DLGAP1: variants seen among roughly 807,000 people sequenced by gnomAD.
DLGAP1 encodes the protein DLG associated protein 1.
In DLGAP1, 11 loss-of-function variants were observed where a neutral mutation model predicts 90.8. The observed-to-expected ratio is 0.12, with a 90% CI of 0.08 to 0.20. The LOEUF (loss-of-function observed/expected upper bound fraction) is 0.20. Among genes scored for constraint, DLGAP1 ranks in the 10% least tolerant of loss-of-function variants. The pLI is 1.00. For missense variants in DLGAP1, 1,050 were observed against 1,333.8 expected (o/e 0.79, Z 3.31); for synonymous variants, 558 against 540.7 (o/e 1.03, Z -0.44).
In DLGAP1 at chr18:4,099,702, C is replaced by CTTT. The variant is rs59311920; in HGVS notation, c.-159+51475_-159+51477dup. Among the ~76,000 whole-genome samples the CTTT allele has an allele frequency of 3.0e-5, 4 of 133,854 alleles. 1 individual carries two copies. In the East Asian group the frequency reaches 6.6e-4, roughly 22 times the overall value. The allele number at this position is 133,854 out of a possible 152,430, so 87.8% of individuals were successfully genotyped here. A position where few individuals can be genotyped will look rare whatever the true frequency, so the allele number is the denominator to read the frequency against. On this transcript the variant is annotated intron_variant, in intron 2 of 12. Transcript: ENST00000315677. Reference sequence around the variant, plus strand: ...TGTGGCAATTTCTTTTCTTTTTTTACTTTTTTTTTTTTTTTTTTAGAGTTG... The same window carrying CTTT: ...TGTGGCAATTTCTTTTCTTTTTTTACTTTTTTTTTTTTTTTTTTTTTAGAGTTG...
At chr18:4,191,768 C>T (rs1186413579) in intron 1 of DLGAP1, among the ~76,000 whole-genome samples, 1 of 151,990 alleles carries the variant, frequency 6.6e-6, no homozygotes, top group African/African-American at 2.4e-5. Context: ...GTCAGGACAC[C>T]TCTTGCAGTC....
At chr18:3,847,514 G>A (rs895699021) in intron 4 of DLGAP1, among the ~76,000 whole-genome samples, 1 of 151,920 alleles carries the variant, frequency 6.6e-6, no homozygotes, top group African/African-American at 2.4e-5. Flanking sequence ...ATGAAGGGGA[G>A]GAATAAAAGA....
intron 1 of DLGAP1, among the ~76,000 whole-genome samples, chr18:4,356,328 C>T (rs1423427216): frequency 6.6e-6 from 1 of 152,088 alleles, no homozygotes; most frequent in Non-Finnish European, 1.5e-5. Context: ...CCAGTCTCTT[C>T]CCTGAATCTT....
intron 1 of DLGAP1, among the ~76,000 whole-genome samples, chr18:4,278,629 G>A (rs1364906793): frequency 6.6e-6 from 1 of 152,024 alleles, no homozygotes; most frequent in Non-Finnish European, 1.5e-5. Flanking sequence ...TGTTTTTTAT[G>A]GTTGGATAGT....
chr18:3,761,608 C>T (rs901961196), intron 5 of DLGAP1, among the ~76,000 whole-genome samples: 62 of 151,022 alleles, frequency 4.1e-4, no homozygotes, highest in African/African-American at 1.5e-3. Context: ...CGGAGTCTCA[C>T]TCTGTTGCCC....
intron 2 of DLGAP1, among the ~76,000 whole-genome samples, chr18:4,066,914 T>A (rs1223292306): frequency 2.0e-5 from 3 of 152,136 alleles, no homozygotes; most frequent in Non-Finnish European, 4.4e-5. Context: ...AGCAAAGACA[T>A]GCAATCAATC....
chr18:3,687,881 T>G (rs2146971560), intron 7 of DLGAP1, among the ~76,000 whole-genome samples: 1 of 150,722 alleles, frequency 6.6e-6, no homozygotes, highest in East Asian at 1.9e-4. Flanking sequence ...TAATAATGAG[T>G]ATAATTATCC....
At chr18:4,034,771 C>T (rs1568362718) in intron 2 of DLGAP1, among the ~76,000 whole-genome samples, 1 of 152,140 alleles carries the variant, frequency 6.6e-6, no homozygotes, top group Non-Finnish European at 1.5e-5. Context: ...GTGCCTAGCA[C>T]TGTGGTGGGC....
chr18:3,663,341 G>A (rs1352822866), intron 7 of DLGAP1, among the ~76,000 whole-genome samples: 1 of 152,164 alleles, frequency 6.6e-6, no homozygotes, highest in Non-Finnish European at 1.5e-5. Flanking sequence ...GAAGGGGTGA[G>A]TATATTTTGC....
chr18:4,243,346 G>A (rs546839214), intron 1 of DLGAP1, among the ~76,000 whole-genome samples: 5 of 88,876 alleles, frequency 5.6e-5, no homozygotes, highest in African/African-American at 1.5e-4. Context: ...AATCTCTAAG[G>A]CATTTGGAGG....
At chr18:3,641,828 C>T (rs1205351019) in intron 7 of DLGAP1, among the ~76,000 whole-genome samples, 1 of 152,122 alleles carries the variant, frequency 6.6e-6, no homozygotes, top group Non-Finnish European at 1.5e-5. Context: ...ATGAGCCTTT[C>T]AAGAGGATAC....
At chr18:3,911,603 A>G (rs1263156832) in intron 3 of DLGAP1, among the ~76,000 whole-genome samples, 1 of 152,218 alleles carries the variant, frequency 6.6e-6, no homozygotes, top group African/African-American at 2.4e-5. Flanking sequence ...GGTATGCTCT[A>G]GCTAATTGAA....
chr18:4,032,584 G>T (rs2074813401), intron 2 of DLGAP1, among the ~76,000 whole-genome samples: 1 of 149,822 alleles, frequency 6.7e-6, no homozygotes, highest in South Asian at 2.1e-4. Context: ...GACAGAAACA[G>T]CTAAATCAAA....
chr18:4,379,809 A>C (rs1484109822), intron 1 of DLGAP1, among the ~76,000 whole-genome samples: 1 of 152,178 alleles, frequency 6.6e-6, no homozygotes, highest in African/African-American at 2.4e-5. Flanking sequence ...AACTGAAATA[A>C]GTAATTAAGT....
intron 1 of DLGAP1, among the ~76,000 whole-genome samples, chr18:4,165,566 T>C (rs771504340): frequency 1.3e-5 from 2 of 152,148 alleles, no homozygotes; most frequent in East Asian, 1.9e-4. Context: ...TATGGGTATA[T>C]TGTGAGTTTC....
chr18:4,070,201 C>T (rs12962441), intron 2 of DLGAP1, among the ~76,000 whole-genome samples: 127,166 of 152,112 alleles, frequency 0.84, 53,402 homozygotes, highest in East Asian at 0.94. Context: ...TACGTTGGTC[C>T]TGAACTCTTG....
At chr18:3,630,442 C>T (rs541654080) in intron 7 of DLGAP1, among the ~76,000 whole-genome samples, 5 of 152,166 alleles carry the variant, frequency 3.3e-5, no homozygotes, top group East Asian at 1.9e-4. Flanking sequence ...CTTGATGACT[C>T]GAGATCTTGG....
At chr18:3,691,584 G>T (rs1191090539) in intron 7 of DLGAP1, among the ~76,000 whole-genome samples, 4 of 151,896 alleles carry the variant, frequency 2.6e-5, no homozygotes, top group Non-Finnish European at 4.4e-5. Context: ...AAAAACAAAA[G>T]AAGTCCTTTA....
At chr18:4,318,683 T>G (rs1313702780) in intron 1 of DLGAP1, among the ~76,000 whole-genome samples, 5 of 152,186 alleles carry the variant, frequency 3.3e-5, no homozygotes, top group African/African-American at 1.2e-4. Flanking sequence ...ATTTGCAACT[T>G]CATTAAGAAT....
Sources: allele counts gnomAD v4.1 joint callset (sites outside exome capture counted in the v4.1 genomes callset), GRCh38; gene constraint gnomAD v4.1.1; transcripts MANE v1.5; gene names NCBI Gene and HGNC (gene_info 2026-07-23, HGNC 2026-07-21).